The following SUZ12 variants were observed in gnomAD, a reference collection of about 807,000 sequenced individuals.
The protein encoded by SUZ12 is SUZ12 polycomb repressive complex 2 subunit.
In SUZ12, 17 loss-of-function variants were observed where a neutral mutation model predicts 87.3. The ratio of observed to expected loss-of-function variants is 0.19; its 90% CI spans 0.13 to 0.29. The LOEUF (loss-of-function observed/expected upper bound fraction) is 0.29, where lower values mean the gene tolerates loss of function less well. Among genes scored for constraint, SUZ12 ranks in the 10% least tolerant of loss-of-function variants. The pLI, the probability that SUZ12 is intolerant of heterozygous loss-of-function variation, is 1.00. For synonymous variants in SUZ12, 253 were observed against 312.4 expected (o/e 0.81, Z 2.01); for missense variants, 526 against 912.2 (o/e 0.58, Z 5.45).
At chr17:31,963,934 A>T (rs1379689607) in intron 4 of SUZ12, 1 of 152,302 alleles carries the variant, frequency 6.6e-6, no homozygotes, top group Non-Finnish European at 1.5e-5. Flanking sequence ...GGCCATAGGC[A>T]CCGGCCCTCT....
At chr17:31,943,429 A>G (rs1474398136) in intron 3 of SUZ12, among the ~76,000 whole-genome samples, 1 of 152,214 alleles carries the variant, frequency 6.6e-6, no homozygotes, top group African/African-American at 2.4e-5. Context: ...ACAACAATAT[A>G]AGATAGAACA....
At chr17:31,951,775 C>CT (rs61047916) in intron 4 of SUZ12, among the ~76,000 whole-genome samples, 1,253 of 114,266 alleles carry the variant, frequency 0.011, 16 homozygotes, top group African/African-American at 0.019. Context: ...CGCGCCCAGC[C>CT]TTTTTTTTTT....
intron 5 of SUZ12, 82 bp from the exon 6 acceptor site, chr17:31,973,064 A>T (rs1367258797): frequency 1.5e-6 from 2 of 1,309,544 alleles, no homozygotes; most frequent in Non-Finnish European, 2.1e-6. Flanking sequence ...TCTCTGTTTG[A>T]AGTTCCCTGA....
At chr17:31,994,382 A>G in intron 12 of SUZ12, 182 bp from the exon 13 acceptor site, 1 of 488,152 alleles carries the variant, frequency 2.0e-6, no homozygotes, top group Non-Finnish European at 3.5e-6. Flanking sequence ...AATAAATGAC[A>G]TAGTTAAGAT....
intron 10 of SUZ12, among the ~76,000 whole-genome samples, chr17:31,990,556 G>A (rs1909668718): frequency 6.6e-6 from 1 of 151,982 alleles, no homozygotes; most frequent in Non-Finnish European, 1.5e-5. Context: ...GTAGAGACAG[G>A]GTTTCATCAT....
chr17:31,955,153 G>T (rs764822747), intron 4 of SUZ12, among the ~76,000 whole-genome samples: 1 of 152,120 alleles, frequency 6.6e-6, no homozygotes, highest in Non-Finnish European at 1.5e-5. Context: ...TGAGGTGGCA[G>T]TACAGTGGTG....
chr17:31,979,700 A>C (rs1194472042), intron 8 of SUZ12, among the ~76,000 whole-genome samples: 4 of 152,200 alleles, frequency 2.6e-5, no homozygotes, highest in African/African-American at 4.8e-5. Flanking sequence ...TTGATCACTC[A>C]GTTAAGATGC....
In SUZ12 at chr17:31,994,503, A is replaced by AT. The variant is rs998738895; in HGVS notation, c.1438-59dup. 3 of 1,393,106 alleles carry AT rather than the reference A, an allele frequency of 2.2e-6. No homozygotes were observed. The African/African-American group carries it at 4.4e-5, about 20-fold the overall frequency. 86.3% of individuals were successfully genotyped at this position (1,393,106 alleles called of 1,614,324 possible). A position where few individuals can be genotyped will look rare whatever the true frequency, so the allele number is the denominator to read the frequency against. On this transcript the variant is annotated intron_variant, in intron 12 of 15. Transcript: ENST00000322652. ...AAGAGCCCACAAATTCTTTAATTAA[A>AT]TTGGAGGGATATTTAGGATAGGATA...
At chr17:31,994,112 G>A in intron 12 of SUZ12, 104 bp downstream of exon 12, 1 of 1,056,148 alleles carries the variant, frequency 9.5e-7, no homozygotes, top group Non-Finnish European at 1.3e-6. Flanking sequence ...TTAAAAAAGG[G>A]AAAAAATATG....
chr17:31,939,169 TGAG>T (rs1425972032), intron 1 of SUZ12, among the ~76,000 whole-genome samples: 1 of 152,198 alleles, frequency 6.6e-6, no homozygotes, highest in Admixed American at 6.5e-5. Context: ...AAAAATGTAT[TGAG>T]GTAATATTTA....
At chr17:31,970,868 GT>G (rs1371343051) in intron 5 of SUZ12, among the ~76,000 whole-genome samples, 3 of 151,804 alleles carry the variant, frequency 2.0e-5, no homozygotes, top group Non-Finnish European at 4.4e-5. Flanking sequence ...TTTTTTGTGT[GT>G]TCATGGATTC....
chr17:31,984,190 A>C (rs756830194), intron 9 of SUZ12, among the ~76,000 whole-genome samples: 4 of 152,238 alleles, frequency 2.6e-5, no homozygotes, highest in Non-Finnish European at 5.9e-5. Context: ...TAAGCATAGG[A>C]ATAGACAAGC....
chr17:31,958,806 G>A (rs1480342937), intron 4 of SUZ12, among the ~76,000 whole-genome samples: 6 of 151,462 alleles, frequency 4.0e-5, no homozygotes, highest in South Asian at 2.1e-4. Flanking sequence ...AGATTACACC[G>A]CTGCACTCCA....
At chr17:31,994,432 G>A in intron 12 of SUZ12, 132 bp from the exon 13 acceptor site, 1 of 761,262 alleles carries the variant, frequency 1.3e-6, no homozygotes. Context: ...CTGACTGCCT[G>A]TTTACCATGC....
chr17:31,953,531 C>T lies in SUZ12; in HGVS notation c.455+5846C>T, dbSNP rs532579940. ...AAAGGGATCCTCCTGCCTCAGCCTCCTGAGTAGCTGGGACTACAGGCATGT... is the reference window on the plus strand; with the variant it reads ...AAAGGGATCCTCCTGCCTCAGCCTCTTGAGTAGCTGGGACTACAGGCATGT... On this transcript the variant is annotated intron_variant, in intron 4 of 15. Coordinates refer to ENST00000322652, the MANE Select transcript of SUZ12 (RefSeq NM_015355.4). Among the ~76,000 whole-genome samples, 140 of 152,164 alleles carry T rather than the reference C, an allele frequency of 9.2e-4. 1 individual carries two copies. The highest frequency in any genetic ancestry group is 1.8e-3 in the Non-Finnish European group (125 of 68,000).
intron 4 of SUZ12, among the ~76,000 whole-genome samples, chr17:31,949,749 G>A (rs1490673033): frequency 8.3e-6 from 1 of 120,054 alleles, no homozygotes; most frequent in Non-Finnish European, 1.6e-5. Context: ...GCAGTGGCGC[G>A]ATCTTGGCTC....
intron 3 of SUZ12, among the ~76,000 whole-genome samples, chr17:31,941,364 C>T (rs1307063044): frequency 6.6e-6 from 1 of 151,816 alleles, no homozygotes; most frequent in African/African-American, 2.4e-5. Flanking sequence ...TTAAACGATT[C>T]TCCTGCCTCA....
intron 14 of SUZ12, among the ~76,000 whole-genome samples, chr17:31,995,989 G>C (rs1416154630): frequency 1.3e-5 from 2 of 152,038 alleles, no homozygotes; most frequent in African/African-American, 4.8e-5. Context: ...CAGGCGCATT[G>C]CCTGAGTTCA....
chr17:31,976,653 G>A, intron 8 of SUZ12, 39 bp downstream of exon 8: 1 of 1,410,592 alleles, frequency 7.1e-7, no homozygotes, highest in Non-Finnish European at 9.9e-7. Context: ...ACAATGTTCT[G>A]GAAATGTTTT....
Sources: gnomAD v4.1 joint callset for allele counts (sites outside exome capture counted in the v4.1 genomes callset) on GRCh38, gnomAD v4.1.1 for gene constraint, MANE v1.5 for transcripts, NCBI Gene and HGNC (gene_info 2026-07-23, HGNC 2026-07-21) for gene names.